Variants in DRC10 observed in about 807,000 individuals in gnomAD.
The protein encoded by DRC10 is dynein regulatory complex subunit 10.
the DRC10 span, among the ~76,000 whole-genome samples, chr12:113,215,307 G>A: frequency 6.6e-6 from 1 of 152,322 alleles, no homozygotes; most frequent in East Asian, 1.9e-4. Context: ...TTCTACCTGT[G>A]AAATGGGACA....
chr12:113,197,479 C>T, the DRC10 span: 2 of 1,158,144 alleles, frequency 1.7e-6, no homozygotes, highest in Non-Finnish European at 2.5e-6. Flanking sequence ...TTTTCCCATT[C>T]ATCCCATTCC....
the DRC10 span, chr12:113,197,531 C>A: frequency 2.0e-6 from 3 of 1,520,836 alleles, no homozygotes; most frequent in Admixed American, 2.0e-5. Flanking sequence ...ACTTATTCAG[C>A]GACAAATACC....
the DRC10 span, among the ~76,000 whole-genome samples, chr12:113,201,413 T>C: frequency 1.2e-3 from 180 of 152,270 alleles, 1 homozygote; most frequent in African/African-American, 4.2e-3. Context: ...TTCTATTTCC[T>C]TGCACGAGTG....
At chr12:113,195,810 A>C in the DRC10 span, 1 of 1,613,846 alleles carries the variant, frequency 6.2e-7, no homozygotes, top group South Asian at 1.1e-5. Flanking sequence ...CTCTCCCACC[A>C]GCACTTTGTG....
the DRC10 span, chr12:113,195,729 C>T: frequency 6.6e-5 from 107 of 1,613,918 alleles, no homozygotes; most frequent in African/African-American, 1.7e-4. Context: ...CCGTACCATG[C>T]GCACCATCTC....
At chr12:113,203,565 T>A in the DRC10 span, among the ~76,000 whole-genome samples, 1 of 150,486 alleles carries the variant, frequency 6.6e-6, no homozygotes, top group Admixed American at 6.6e-5. Flanking sequence ...AATCTCCACT[T>A]CCTGGGTTCA....
At chr12:113,199,287 C>T in the DRC10 span, among the ~76,000 whole-genome samples, 1 of 152,090 alleles carries the variant, frequency 6.6e-6, no homozygotes, top group Non-Finnish European at 1.5e-5. Context: ...CCCAGCGACC[C>T]ATGAGGGCTG....
chr12:113,211,407 C>T, the DRC10 span, among the ~76,000 whole-genome samples: 4 of 152,046 alleles, frequency 2.6e-5, no homozygotes, highest in Admixed American at 6.6e-5. Context: ...TGACTAAGAA[C>T]GAAAAAGAAA....
chr12:113,220,707 T>G, the DRC10 span, among the ~76,000 whole-genome samples: 1 of 152,118 alleles, frequency 6.6e-6, no homozygotes, highest in African/African-American at 2.4e-5. Context: ...CATGTTTGAC[T>G]TGAAATAAGT....
the DRC10 span, among the ~76,000 whole-genome samples, chr12:113,205,616 G>A: frequency 2.6e-5 from 4 of 152,258 alleles, no homozygotes; most frequent in South Asian, 4.1e-4. Context: ...CAGGCCGGGC[G>A]CGGTGGCTCA....
chr12:113,211,746 G>A, the DRC10 span, among the ~76,000 whole-genome samples: 1 of 152,094 alleles, frequency 6.6e-6, no homozygotes, highest in Non-Finnish European at 1.5e-5. Flanking sequence ...AATCTCATGA[G>A]ATCCTTTGAG....
chr12:113,209,997 G>A, the DRC10 span, among the ~76,000 whole-genome samples: 7 of 152,266 alleles, frequency 4.6e-5, no homozygotes, highest in South Asian at 1.0e-3. Flanking sequence ...ATGGTGGTAC[G>A]CACCTGTTAC....
chr12:113,210,526 T>C, the DRC10 span, among the ~76,000 whole-genome samples: 2 of 151,072 alleles, frequency 1.3e-5, no homozygotes, highest in Admixed American at 6.6e-5. Context: ...CTTTGGGAGG[T>C]TGAAGTGGGA....
At chr12:113,200,551 C>A in the DRC10 span, 25,807 of 1,440,256 alleles carry the variant, frequency 0.018, 330 homozygotes, top group African/African-American at 0.039. Context: ...GGGGCCCCCT[C>A]GGCCCATCCT....
the DRC10 span, among the ~76,000 whole-genome samples, chr12:113,214,725 G>A: frequency 6.6e-6 from 1 of 151,998 alleles, no homozygotes; most frequent in African/African-American, 2.4e-5. Flanking sequence ...CCAACAATTG[G>A]CCTATGAATT....
At chr12:113,211,016 T>C in the DRC10 span, among the ~76,000 whole-genome samples, 4 of 152,048 alleles carry the variant, frequency 2.6e-5, no homozygotes, top group Admixed American at 2.0e-4. Flanking sequence ...ATGGCAGAAA[T>C]TGGGAGAGGA....
the DRC10 span, among the ~76,000 whole-genome samples, chr12:113,198,352 G>A: frequency 6.6e-6 from 1 of 152,234 alleles, no homozygotes; most frequent in African/African-American, 2.4e-5. Context: ...AGCAAGAGGA[G>A]GCTGTATTCT....
chr12:113,214,965 T>C, the DRC10 span, among the ~76,000 whole-genome samples: 1 of 152,168 alleles, frequency 6.6e-6, no homozygotes, highest in African/African-American at 2.4e-5. Context: ...GCTGGAGGTA[T>C]TGACAGTTGG....
chr12:113,200,493 G>C, the DRC10 span: 7 of 1,063,104 alleles, frequency 6.6e-6, no homozygotes, highest in African/African-American at 3.1e-5. Flanking sequence ...GCCCAACACT[G>C]CTGGACCTCC....
Sources: gnomAD v4.1 joint callset for allele counts (sites outside exome capture counted in the v4.1 genomes callset) on GRCh38, gnomAD v4.1.1 for gene constraint, MANE v1.5 for transcripts, NCBI Gene and HGNC (gene_info 2026-07-23, HGNC 2026-07-21) for gene names.